Variants in RRBP1 observed in about 807,000 individuals in gnomAD.
RRBP1 encodes ribosome binding protein 1, also known as ribosome-binding protein 1.
Under a neutral mutation model 165.2 loss-of-function variants are expected in RRBP1, and 94 were observed. The observed-to-expected ratio is 0.57, with a 90% CI of 0.48 to 0.68. The LOEUF (loss-of-function observed/expected upper bound fraction) is 0.68. RRBP1 is among the 30% of genes least tolerant of loss of function. The pLI, the probability that RRBP1 is intolerant of heterozygous loss-of-function variation, is 0.00. For synonymous variants in RRBP1, 680 were observed against 714.5 expected (o/e 0.95, Z 0.77); for missense variants, 1,676 against 1,763.0 (o/e 0.95, Z 0.88).
chr20:17,678,015 C>T (rs947920225), intron 2 of RRBP1, among the ~76,000 whole-genome samples: 22 of 152,190 alleles, frequency 1.4e-4, no homozygotes, highest in African/African-American at 5.3e-4. Context: ...CCAAAAAAAT[C>T]TAAGTTAGAA....
intron 20 of RRBP1, 49 bp downstream of exon 20, chr20:17,618,547 G>GC (rs937903194): frequency 7.2e-7 from 1 of 1,384,718 alleles, no homozygotes; most frequent in African/African-American, 1.4e-5. Context: ...TCTCACACAC[G>GC]CAACGCCCCA....
chr20:17,639,610 C>T (rs2036311313), intron 5 of RRBP1, among the ~76,000 whole-genome samples: 1 of 152,168 alleles, frequency 6.6e-6, no homozygotes, highest in Non-Finnish European at 1.5e-5. Context: ...ATGAGGTAAA[C>T]AGGCCAGGGA....
chr20:17,629,080 C>T (rs1476350966), intron 9 of RRBP1, among the ~76,000 whole-genome samples: 3 of 152,266 alleles, frequency 2.0e-5, no homozygotes, highest in Admixed American at 2.0e-4. Context: ...CACCATCCAT[C>T]CCTCACAGAA....
intron 24 of RRBP1, 84 bp from the exon 25 acceptor site, chr20:17,614,304 C>T: frequency 7.2e-7 from 1 of 1,384,350 alleles, no homozygotes. Context: ...GGCCTTTAGT[C>T]CCTCCCTGGA....
intron 11 of RRBP1, among the ~76,000 whole-genome samples, 185 bp from the exon 12 acceptor site, chr20:17,625,787 A>C (rs1600731834): frequency 6.9e-5 from 10 of 143,896 alleles, no homozygotes; most frequent in East Asian, 2.0e-4. Flanking sequence ...AGCCCCCAAC[A>C]CCCTCCCCTC....
At chr20:17,615,792 G>A in intron 22 of RRBP1, 134 bp downstream of exon 22, 1 of 789,474 alleles carries the variant, frequency 1.3e-6, no homozygotes, top group South Asian at 1.8e-5. Context: ...CCCACCCACT[G>A]CTGCCCAGAA....
intron 3 of RRBP1, among the ~76,000 whole-genome samples, chr20:17,655,722 A>G (rs1289176108): frequency 6.6e-6 from 1 of 152,272 alleles, no homozygotes. Flanking sequence ...GGCTCTTGAT[A>G]CATTTCACAA....
chr20:17,619,781 G>C (rs1180921037), intron 18 of RRBP1, 53 bp from the exon 19 acceptor site: 1 of 1,369,338 alleles, frequency 7.3e-7, no homozygotes, highest in East Asian at 2.5e-5. Flanking sequence ...TCTGCTCAAA[G>C]GGCACTCACC....
At chr20:17,616,878 G>GT (rs778365203) in intron 20 of RRBP1, 39 bp from the exon 21 acceptor site, 1 of 1,467,854 alleles carries the variant, frequency 6.8e-7, no homozygotes, top group Non-Finnish European at 9.5e-7. Context: ...TGCACAGCCA[G>GT]TCGCACACCC....
chr20:17,681,746 G>A lies in RRBP1; in HGVS notation c.-99+282C>T, dbSNP rs909606134. Among the ~76,000 whole-genome samples, 43 of 150,676 alleles carry A rather than the reference G, an allele frequency of 2.9e-4. No individual in the cohort carries two copies. The South Asian group carries it at 8.9e-3, about 31-fold the overall frequency. On this transcript the variant is annotated intron_variant, in intron 1 of 24. Coordinates refer to ENST00000377813, the MANE Select transcript of RRBP1 (RefSeq NM_001365613.2). ...AGGCAGGGAGCGGTCGCCACGTCGCGCCCGTCTGCCGCCGCAGCTCCCCGG... is the reference window on the plus strand; with the variant it reads ...AGGCAGGGAGCGGTCGCCACGTCGCACCCGTCTGCCGCCGCAGCTCCCCGG...
chr20:17,629,427 T>C (rs1276613251), intron 9 of RRBP1, among the ~76,000 whole-genome samples: 1 of 152,154 alleles, frequency 6.6e-6, no homozygotes, highest in Non-Finnish European at 1.5e-5. Flanking sequence ...AGAACACACA[T>C]TTAGCTGAGA....
intron 2 of RRBP1, among the ~76,000 whole-genome samples, chr20:17,661,453 C>T (rs1314588699): frequency 6.6e-6 from 1 of 152,138 alleles, no homozygotes; most frequent in African/African-American, 2.4e-5. Flanking sequence ...GACAACACTC[C>T]CCAAACCATA....
chr20:17,639,983 G>A (rs1228997700), intron 5 of RRBP1, among the ~76,000 whole-genome samples: 6 of 151,776 alleles, frequency 4.0e-5, no homozygotes, highest in Admixed American at 6.6e-5. Flanking sequence ...GAAGAGAAAC[G>A]GCCAAAGGCA....
At position 17,619,692 on chromosome 20, in the gene RRBP1, C is replaced by T. The variant is rs2035870176; in HGVS notation, c.3616G>A (p.Glu1206Lys). 2 of 1,613,038 alleles carry T rather than the reference C, an allele frequency of 1.2e-6. No homozygotes were observed. The highest frequency in any genetic ancestry group is 4.5e-5 in the East Asian group (2 of 44,858). ...EHTSHLEAEL[E>K]KHMAAASAEC... ...GCGCTGGCGGCCGCCATGTGCTTTT[C>T]CAGCTCTGCCTCCAAATGCGACGTG... Residue 1206 changes from glutamate to lysine, a missense_variant, in exon 19 of 25, where the codon GAA becomes AAA. Glu to Lys is a moderately conservative substitution (Grantham distance 56). Coordinates refer to ENST00000377813, the MANE Select transcript of RRBP1 (RefSeq NM_001365613.2).
intron 3 of RRBP1, among the ~76,000 whole-genome samples, chr20:17,649,787 G>T (rs1229339208): frequency 1.3e-5 from 2 of 152,072 alleles, no homozygotes; most frequent in Non-Finnish European, 2.9e-5. Flanking sequence ...ATTTCCTATT[G>T]TAGGGGTAGA....
At chr20:17,642,882 GTCC>G in intron 4 of RRBP1, 94 bp downstream of exon 4, 1 of 1,309,412 alleles carries the variant, frequency 7.6e-7, no homozygotes, top group Non-Finnish European at 1.1e-6. Context: ...AGTGGAGGCT[GTCC>G]TATGAATGTC....
chr20:17,636,734 G>A lies in RRBP1; in HGVS notation c.2185-5C>T, dbSNP rs763729225. ...GGCCTTTTCTGCTGCCATCTCCTGGGGGGAAAGTAGCAGAGAGAGGGGCTG... is the reference window on the plus strand; with the variant it reads ...GGCCTTTTCTGCTGCCATCTCCTGGAGGGAAAGTAGCAGAGAGAGGGGCTG... On this transcript the variant is annotated splice_polypyrimidine_tract_variant and splice_region_variant and intron_variant, in intron 5 of 24. Transcript: ENST00000377813. 2.5e-6 allele frequency: 4 copies of A among 1,612,594 alleles called. No homozygotes were observed. Among genetic ancestry groups the A allele is most frequent in the Non-Finnish European group, 3.4e-6 (4 of 1,180,016 alleles).
rs187863256 is a variant in RRBP1, at chr20:17,619,157, G to A, written c.3675+476C>T. ...AGGCCGGTCTCAAATTTCTGGCCTC[G>A]AGCAATCCACCTCAGCCTTTCAAAG... On this transcript the variant is annotated intron_variant, in intron 19 of 24. Coordinates refer to ENST00000377813, the MANE Select transcript of RRBP1 (RefSeq NM_001365613.2). 793 of 176,488 alleles carry A rather than the reference G, an allele frequency of 4.5e-3. 3 individuals carry two copies. Among genetic ancestry groups the A allele is most frequent in the Admixed American group, 8.6e-3 (156 of 18,062 alleles). 10.9% of individuals were successfully genotyped at this position (176,488 alleles called of 1,614,324 possible).
intron 2 of RRBP1, among the ~76,000 whole-genome samples, chr20:17,660,826 T>C (rs2036752229): frequency 1.3e-5 from 2 of 152,126 alleles, no homozygotes; most frequent in South Asian, 4.1e-4. Flanking sequence ...GCCATGACCC[T>C]GATGCAAGAT....
Sources: gnomAD v4.1 joint callset for allele counts (sites outside exome capture counted in the v4.1 genomes callset) on GRCh38, gnomAD v4.1.1 for gene constraint, MANE v1.5 for transcripts, NCBI Gene and HGNC (gene_info 2026-07-23, HGNC 2026-07-21) for gene names.